Variants in RGS21 observed in about 807,000 individuals in gnomAD.
RGS21 encodes regulator of G protein signaling 21, also known as regulator of G-protein signalling 21.
Under a neutral mutation model 18.7 loss-of-function variants are expected in RGS21, and 19 were observed. That is an observed-to-expected ratio of 1.01 (90% CI 0.71 to 1.49). RGS21 has a LOEUF of 1.49. Among genes scored for constraint, RGS21 ranks in the 40% most tolerant of loss-of-function variants. The pLI is 0.00. For missense variants in RGS21, 194 were observed against 176.8 expected (o/e 1.10, Z -0.55); for synonymous variants, 56 against 57.8 (o/e 0.97, Z 0.14).
chr1:192,340,767 A>G (rs1658846387), intron 1 of RGS21, among the ~76,000 whole-genome samples: 1 of 152,194 alleles, frequency 6.6e-6, no homozygotes, highest in African/African-American at 2.4e-5. Flanking sequence ...TGAAAGGCAC[A>G]TCTTACATGG....
At chr1:192,318,472 G>A (rs1332364097) in intron 1 of RGS21, among the ~76,000 whole-genome samples, 1 of 152,068 alleles carries the variant, frequency 6.6e-6, no homozygotes, top group Non-Finnish European at 1.5e-5. Flanking sequence ...TCTGCCAGAA[G>A]TTTTACGCTG....
intron 1 of RGS21, among the ~76,000 whole-genome samples, chr1:192,329,211 T>G (rs1459316603): frequency 6.6e-6 from 1 of 152,106 alleles, no homozygotes; most frequent in Non-Finnish European, 1.5e-5. Context: ...GTGAATTCAG[T>G]GATATTGAGT....
chr1:192,346,344 C>T (rs544023371), intron 2 of RGS21, among the ~76,000 whole-genome samples: 92 of 152,196 alleles, frequency 6.0e-4, no homozygotes, highest in African/African-American at 2.1e-3. Flanking sequence ...GATTAGTTAT[C>T]TTGCCGTGCA....
In RGS21 at chr1:192,366,864, T is replaced by C. The variant is rs1659267767; in HGVS notation, c.*740T>C. The C allele has an allele frequency of 6.6e-6, 1 of 152,154 alleles. No homozygotes were observed. Among genetic ancestry groups the C allele is most frequent in the Non-Finnish European group, 1.5e-5 (1 of 67,954 alleles). 9.4% of individuals were successfully genotyped at this position (152,154 alleles called of 1,614,324 possible). ...GGAGCATAGATAAATCCTTATAAGATGAAGTATATAGCAAGTCATAAAATT... is the reference window on the plus strand; with the variant it reads ...GGAGCATAGATAAATCCTTATAAGACGAAGTATATAGCAAGTCATAAAATT... On this transcript the variant is annotated 3_prime_UTR_variant, in exon 5 of 5. Coordinates refer to ENST00000417209, the MANE Select transcript of RGS21 (RefSeq NM_001039152.3).
intron 4 of RGS21, among the ~76,000 whole-genome samples, chr1:192,363,231 G>C (rs1659211471): frequency 6.6e-6 from 1 of 152,046 alleles, no homozygotes; most frequent in Non-Finnish European, 1.5e-5. Flanking sequence ...GACTTTTTAA[G>C]TAGGAAAAGA....
chr1:192,337,661 T>C (rs1658791350), intron 1 of RGS21, among the ~76,000 whole-genome samples: 1 of 152,244 alleles, frequency 6.6e-6, no homozygotes, highest in Non-Finnish European at 1.5e-5. Flanking sequence ...TGATTATTTA[T>C]CTTTGTGTTC....
At chr1:192,358,713 T>G (rs1429092039) in intron 4 of RGS21, among the ~76,000 whole-genome samples, 2 of 152,198 alleles carry the variant, frequency 1.3e-5, no homozygotes, top group African/African-American at 4.8e-5. Flanking sequence ...TCAAATTATG[T>G]AAAAATACAT....
At chr1:192,346,962 T>C (rs1195065561) in intron 2 of RGS21, among the ~76,000 whole-genome samples, 1 of 152,166 alleles carries the variant, frequency 6.6e-6, no homozygotes, top group Non-Finnish European at 1.5e-5. Context: ...TCATAACTTT[T>C]TGGCTAGAGT....
At chr1:192,319,040 G>A (rs1658460053) in intron 1 of RGS21, among the ~76,000 whole-genome samples, 1 of 151,890 alleles carries the variant, frequency 6.6e-6, no homozygotes, top group Non-Finnish European at 1.5e-5. Flanking sequence ...GACCAGTCCG[G>A]GAAAATTAGC....
intron 1 of RGS21, among the ~76,000 whole-genome samples, chr1:192,333,441 G>C (rs1329492149): frequency 6.6e-6 from 1 of 151,876 alleles, no homozygotes; most frequent in East Asian, 1.9e-4. Flanking sequence ...GTGTCCTTAA[G>C]TAGTGAATGA....
At chr1:192,350,001 T>C (rs1659013349) in intron 3 of RGS21, among the ~76,000 whole-genome samples, 1 of 152,066 alleles carries the variant, frequency 6.6e-6, no homozygotes, top group Admixed American at 6.5e-5. Context: ...TAAATTCTGT[T>C]TAGATCTCTG....
At chr1:192,342,715 T>C (rs188350751) in intron 1 of RGS21, among the ~76,000 whole-genome samples, 22 of 152,056 alleles carry the variant, frequency 1.4e-4, no homozygotes, top group Admixed American at 1.4e-3. Flanking sequence ...GAACAATAGT[T>C]GTCTTGCAAA....
intron 1 of RGS21, among the ~76,000 whole-genome samples, chr1:192,333,127 C>A (rs559707245): frequency 6.6e-6 from 1 of 151,776 alleles, no homozygotes; most frequent in Non-Finnish European, 1.5e-5. Flanking sequence ...TTATCACTGC[C>A]GATCTAGGTA....
At position 192,352,118 on chromosome 1, in the gene RGS21, T is replaced by C. The variant is rs749193130; in HGVS notation, c.160T>C (p.Cys54Arg). 1.9e-6 allele frequency: 3 copies of C among 1,610,912 alleles called. No homozygotes were observed. Among genetic ancestry groups the C allele is most frequent in the Non-Finnish European group, 2.5e-6 (3 of 1,178,350 alleles). Reference sequence around the variant, plus strand: ...AGAAAATGTTGAGTTCTGGCTTGCCTGTGAAGACTTTAAGAAAACGAAAAA... The same window carrying C: ...AGAAAATGTTGAGTTCTGGCTTGCCCGTGAAGACTTTAAGAAAACGAAAAA... ...SEENVEFWLA[C>R]EDFKKTKNAD... is the part of the protein sequence containing the mutation. Residue 54 changes from cysteine to arginine, a missense_variant, in exon 4 of 5, where the codon TGT becomes CGT. By Grantham distance (180) the Cys-to-Arg change is radical. Coordinates refer to ENST00000417209, the MANE Select transcript of RGS21 (RefSeq NM_001039152.3).
intron 4 of RGS21, among the ~76,000 whole-genome samples, chr1:192,361,695 A>C (rs923758047): frequency 5.3e-5 from 8 of 152,014 alleles, no homozygotes; most frequent in African/African-American, 1.9e-4. Flanking sequence ...ACAGATACCC[A>C]CCACCACGCC....
At chr1:192,354,898 A>G (rs936350829) in intron 4 of RGS21, among the ~76,000 whole-genome samples, 1 of 151,764 alleles carries the variant, frequency 6.6e-6, no homozygotes, top group Non-Finnish European at 1.5e-5. Context: ...CAATTAAACT[A>G]TATGAAACTT....
At chr1:192,353,439 T>C (rs17413918) in intron 4 of RGS21, among the ~76,000 whole-genome samples, 29,991 of 151,784 alleles carry the variant, frequency 0.2, 3,283 homozygotes, top group South Asian at 0.3. Context: ...TTGAAAATGT[T>C]GCATGTAAGA....
chr1:192,339,515 AC>A (rs1571454926), intron 1 of RGS21, among the ~76,000 whole-genome samples: 1 of 151,754 alleles, frequency 6.6e-6, no homozygotes, highest in Non-Finnish European at 1.5e-5. Flanking sequence ...GATTTTCCTA[AC>A]CCTGTTTTTT....
chr1:192,342,589 G>C (rs1487724405), intron 1 of RGS21, among the ~76,000 whole-genome samples: 2 of 151,544 alleles, frequency 1.3e-5, no homozygotes, highest in African/African-American at 4.8e-5. Flanking sequence ...GAAAATCAAA[G>C]AACAAAGGAA....
Sources: gnomAD v4.1 joint callset for allele counts (sites outside exome capture counted in the v4.1 genomes callset) on GRCh38, gnomAD v4.1.1 for gene constraint, MANE v1.5 for transcripts, NCBI Gene and HGNC (gene_info 2026-07-23, HGNC 2026-07-21) for gene names.